The following CNTN5 variants were observed in gnomAD, a reference collection of about 807,000 sequenced individuals.
CNTN5 encodes contactin-5.
Under a neutral mutation model 129.1 loss-of-function variants are expected in CNTN5, and 77 were observed. The observed-to-expected ratio is 0.60, with a 90% confidence interval of 0.50 to 0.72. The LOEUF (loss-of-function observed/expected upper bound fraction) is 0.72. Ranked by LOEUF, CNTN5 falls within the 30% of genes least tolerant of loss-of-function variation. The probability of loss-of-function intolerance (pLI) is 0.00; values close to 1 mark genes in which losing one functional copy is unlikely to be tolerated. For missense variants in CNTN5, 1,478 were observed against 1,328.8 expected (o/e 1.11, Z -1.75); for synonymous variants, 509 against 465.6 (o/e 1.09, Z -1.20).
At chr11:100,029,301 G>T (rs1188968913) in intron 9 of CNTN5, among the ~76,000 whole-genome samples, 2 of 152,126 alleles carry the variant, frequency 1.3e-5, no homozygotes, top group Non-Finnish European at 2.9e-5. Flanking sequence ...CATGCTAATT[G>T]GCCGGGCGCG....
At chr11:100,176,991 G>T (rs1054585538) in intron 13 of CNTN5, among the ~76,000 whole-genome samples, 4 of 151,920 alleles carry the variant, frequency 2.6e-5, no homozygotes, top group African/African-American at 9.7e-5. Context: ...ACTATTTGGT[G>T]AAGATATTCA....
intron 3 of CNTN5, among the ~76,000 whole-genome samples, chr11:99,778,498 A>T (rs912346713): frequency 6.6e-6 from 1 of 151,834 alleles, no homozygotes; most frequent in African/African-American, 2.4e-5. Context: ...TTATTCCTCT[A>T]TTCTGTGGGG....
chr11:99,960,184 C>G (rs1239223427), intron 8 of CNTN5, among the ~76,000 whole-genome samples: 1 of 152,084 alleles, frequency 6.6e-6, no homozygotes, highest in Non-Finnish European at 1.5e-5. Flanking sequence ...AAGTTTCTTC[C>G]TTCCATTTTA....
At chr11:99,354,205 A>G (rs1565514854) in intron 2 of CNTN5, among the ~76,000 whole-genome samples, 1 of 152,210 alleles carries the variant, frequency 6.6e-6, no homozygotes, top group Non-Finnish European at 1.5e-5. Context: ...TATAACATGA[A>G]TGCTACATTA....
chr11:99,081,910 TATA>T lies in CNTN5; in HGVS notation c.-210+60644_-210+60646del, dbSNP rs1333716705. Among the ~76,000 whole-genome samples the T allele has an allele frequency of 2.6e-5, 4 of 152,292 alleles. No homozygotes were observed. In the East Asian group the frequency reaches 7.7e-4, roughly 29 times the overall value. On this transcript the variant is annotated intron_variant, in intron 1 of 24. Coordinates refer to ENST00000524871, the MANE Select transcript of CNTN5 (RefSeq NM_014361.4). Reference sequence around the variant, plus strand: ...AGCCATTACACCCTTTTAAAACCAGTATAATATCATTTTATTAAACTAAAATGA... The same window carrying T: ...AGCCATTACACCCTTTTAAAACCAGTATATCATTTTATTAAACTAAAATGA...
At chr11:100,001,252 G>C (rs1039996406) in intron 8 of CNTN5, among the ~76,000 whole-genome samples, 1 of 152,176 alleles carries the variant, frequency 6.6e-6, no homozygotes, top group Non-Finnish European at 1.5e-5. Context: ...TGGCAGAAGA[G>C]ACGAGAGAGA....
intron 1 of CNTN5, among the ~76,000 whole-genome samples, chr11:99,114,670 A>G (rs1857958087): frequency 6.6e-6 from 1 of 152,186 alleles, no homozygotes; most frequent in South Asian, 2.1e-4. Flanking sequence ...GCTTGCATAT[A>G]GTAGTAATCA....
chr11:99,899,714 A>G (rs969494378), intron 6 of CNTN5, among the ~76,000 whole-genome samples: 5 of 151,824 alleles, frequency 3.3e-5, no homozygotes, highest in Admixed American at 3.3e-4. Context: ...TCCTTCCCTG[A>G]TTTTGGTATC....
At chr11:99,188,723 ATTTC>A (rs1447522146) in intron 1 of CNTN5, among the ~76,000 whole-genome samples, 4 of 151,598 alleles carry the variant, frequency 2.6e-5, no homozygotes, top group African/African-American at 9.7e-5. Flanking sequence ...ATTTTTACTA[ATTTC>A]TTTATGTTTA....
chr11:99,701,227 G>T (rs1954505320), intron 3 of CNTN5, among the ~76,000 whole-genome samples: 1 of 151,198 alleles, frequency 6.6e-6, no homozygotes, highest in African/African-American at 2.4e-5. Flanking sequence ...ATGCAAATGA[G>T]CTTCATAAGG....
intron 2 of CNTN5, among the ~76,000 whole-genome samples, chr11:99,389,748 G>T (rs1029551818): frequency 4.6e-5 from 7 of 152,104 alleles, no homozygotes; most frequent in Non-Finnish European, 1.0e-4. Flanking sequence ...TAAGAAGCTG[G>T]AATTTTCCCC....
At chr11:99,690,455 C>G (rs990085548) in intron 3 of CNTN5, among the ~76,000 whole-genome samples, 6 of 152,006 alleles carry the variant, frequency 3.9e-5, no homozygotes, top group African/African-American at 1.4e-4. Context: ...CGGGCTCTTT[C>G]TTGGTTCCTT....
intron 2 of CNTN5, among the ~76,000 whole-genome samples, chr11:99,378,509 T>C (rs1276365911): frequency 1.3e-5 from 2 of 152,114 alleles, no homozygotes; most frequent in Non-Finnish European, 2.9e-5. Context: ...GATTGGGTTT[T>C]ACTAGATGAC....
At chr11:99,081,387 A>G (rs565476175) in intron 1 of CNTN5, among the ~76,000 whole-genome samples, 86 of 152,290 alleles carry the variant, frequency 5.6e-4, no homozygotes, top group Middle Eastern at 6.8e-3. Flanking sequence ...ACATTTCTCA[A>G]TTTTATTCAC....
At chr11:99,566,354 G>A (rs1210133892) in intron 3 of CNTN5, among the ~76,000 whole-genome samples, 1 of 152,152 alleles carries the variant, frequency 6.6e-6, no homozygotes, top group African/African-American at 2.4e-5. Flanking sequence ...CAGCAGAACT[G>A]TGAGCCAATT....
chr11:99,657,536 C>T (rs1952422156), intron 3 of CNTN5, among the ~76,000 whole-genome samples: 1 of 152,054 alleles, frequency 6.6e-6, no homozygotes, highest in African/African-American at 2.4e-5. Context: ...ATTATTACTA[C>T]CCAGTAATGA....
At chr11:99,488,870 A>C (rs990790145) in intron 2 of CNTN5, among the ~76,000 whole-genome samples, 3 of 152,102 alleles carry the variant, frequency 2.0e-5, no homozygotes, top group Admixed American at 2.0e-4. Flanking sequence ...ATACTGAAAA[A>C]GAGGGGAAAG....
chr11:100,301,287 T>G (rs1205814762), intron 20 of CNTN5, among the ~76,000 whole-genome samples: 1 of 151,640 alleles, frequency 6.6e-6, no homozygotes, highest in Non-Finnish European at 1.5e-5. Context: ...GTGCTGCCTT[T>G]AAGAAATTCA....
At chr11:100,264,985 G>A (rs1161274218) in intron 17 of CNTN5, among the ~76,000 whole-genome samples, 1 of 152,074 alleles carries the variant, frequency 6.6e-6, no homozygotes, top group Non-Finnish European at 1.5e-5. Flanking sequence ...AATGATAAGT[G>A]ATGTTGTGGG....
Sources: allele counts gnomAD v4.1 joint callset (sites outside exome capture counted in the v4.1 genomes callset), GRCh38; gene constraint gnomAD v4.1.1; transcripts MANE v1.5; gene names NCBI Gene and HGNC (gene_info 2026-07-23, HGNC 2026-07-21).